IGSF1: variants seen among roughly 807,000 people sequenced by gnomAD.
The protein encoded by IGSF1 is immunoglobulin superfamily member 1.
A neutral mutation model predicts 95.3 loss-of-function variants in IGSF1; 40 were observed. That is an observed-to-expected ratio of 0.42 (90% CI 0.33 to 0.55). The LOEUF is 0.55. Among genes scored for constraint, IGSF1 ranks in the 20% least tolerant of loss-of-function variants. IGSF1 has a pLI of 0.10. For missense variants in IGSF1, 906 were observed against 1,025.4 expected (o/e 0.88, Z 1.59); for synonymous variants, 372 against 382.9 (o/e 0.97, Z 0.33).
chrX:131,287,070 T>C (rs867891865), intron 1 of IGSF1, among the ~76,000 whole-genome samples: 6 of 87,345 alleles, frequency 6.9e-5, no homozygotes, highest in African/African-American at 2.0e-4. Flanking sequence ...TATATATATA[T>C]ACGTATGTTT....
intron 3 of IGSF1, 148 bp from the exon 4 acceptor site, chrX:131,286,196 G>A (rs909417485): frequency 4.5e-5 from 25 of 549,919 alleles, no homozygotes; most frequent in African/African-American, 1.6e-4. Flanking sequence ...GTGGGGCATC[G>A]TATAAGAACC....
chrX:131,283,427 A>G (rs1739356573), intron 5 of IGSF1, among the ~76,000 whole-genome samples, 163 bp from the exon 6 acceptor site: 1 of 112,238 alleles, frequency 8.9e-6, no homozygotes, highest in Non-Finnish European at 1.9e-5. Context: ...AATCAAGGGT[A>G]GATTCACTTA....
At position 131,285,474 on chromosome X, in the gene IGSF1, G is replaced by A. The variant is rs1603405941; in HGVS notation, c.380-8C>T. 1.0e-5 allele frequency: 12 copies of A among 1,199,691 alleles called. No individual in the cohort carries two copies. Among genetic ancestry groups the A allele is most frequent in the Non-Finnish European group, 1.3e-5 (12 of 889,453 alleles). ...TGGGCTTGGGCAGTTGGCCTGGAAGGATAGAATGAACTGGAATTAGGTAAA... is the reference window on the plus strand; with the variant it reads ...TGGGCTTGGGCAGTTGGCCTGGAAGAATAGAATGAACTGGAATTAGGTAAA... On this transcript the variant is annotated splice_polypyrimidine_tract_variant and splice_region_variant and intron_variant, in intron 4 of 19. Coordinates refer to ENST00000361420, the MANE Select transcript of IGSF1 (RefSeq NM_001555.5).
In IGSF1 at chrX:131,286,315, T is replaced by G. The variant is rs373982921; in HGVS notation, c.97+122A>C. 106 of 633,598 alleles carry G rather than the reference T, an allele frequency of 1.7e-4. No homozygotes were observed. In the African/African-American group the frequency reaches 2.1e-3, roughly 12 times the overall value. 52.2% of individuals were successfully genotyped at this position (633,598 alleles called of 1,213,427 possible). On this transcript the variant is annotated intron_variant, in intron 3 of 19. Transcript: ENST00000361420. ...CCATGCCATAGGAAACCAAGTCCTC[T>G]GATTCCCAATCAGCCCAATCTATCT...
chrX:131,275,522 G>A lies in IGSF1; in HGVS notation c.3140C>T (p.Ser1047Phe). 1 of 1,211,476 alleles carries A rather than the reference G, an allele frequency of 8.3e-7. No homozygotes were observed. Among genetic ancestry groups the A allele is most frequent in the Non-Finnish European group, 1.1e-6 (1 of 895,253 alleles). Residue 1047 changes from serine (S) to phenylalanine (F), a missense_variant, in exon 16 of 20, where the codon TCT becomes TTT. Transcript: ENST00000361420. ...SCCYHPDWTS[S>F]IKIQPSNTLE... is the part of the protein sequence containing the mutation. ...GGTGTTGCTAGGTTGTATCTTGATA[G>A]AACTGGTCCAGTCAGGGTGGTAGCA...
chrX:131,274,940 A>AT, intron 17 of IGSF1, 59 bp downstream of exon 17: 6 of 1,198,159 alleles, frequency 5.0e-6, no homozygotes, highest in Non-Finnish European at 6.8e-6. Context: ...TTACCCCCTT[A>AT]TTGCTTACTG....
intron 13 of IGSF1, 43 bp from the exon 14 acceptor site, chrX:131,277,269 A>G: frequency 9.3e-7 from 1 of 1,075,352 alleles, no homozygotes; most frequent in Non-Finnish European, 1.2e-6. Flanking sequence ...AACAAAATAC[A>G]ACACAAAACC....
intron 19 of IGSF1, 27 bp downstream of exon 19, chrX:131,274,056 G>T (rs45609931): frequency 0.025 from 30,651 of 1,209,025 alleles, 299 homozygotes; most frequent in Non-Finnish European, 0.03. Flanking sequence ...GTTCACAGAA[G>T]GGGGCCATAA....
At chrX:131,278,369 T>C (rs903016415) in intron 12 of IGSF1, 92 bp downstream of exon 12, 10 of 876,260 alleles carry the variant, frequency 1.1e-5, no homozygotes, top group Non-Finnish European at 1.3e-5. Context: ...GGCTCCAGGG[T>C]CCCTGTGAGT....
Position 131,285,215 on chromosome X carries a change from A to C in IGSF1, c.631T>G (p.Ser211Ala). 8.3e-7 allele frequency: 1 copy of C among 1,205,573 alleles called. No homozygotes were observed. The highest frequency in any genetic ancestry group is 1.1e-6 in the Non-Finnish European group (1 of 891,994). The change falls in exon 5 of 20, where the codon TCA (serine) becomes GCA (alanine). Residue 211 changes from serine (S) to alanine (A), a missense_variant. By Grantham distance (99) the Ser-to-Ala change is moderately conservative. Around this residue, in one of 5 missense-constraint regions of IGSF1, gnomAD observed 442 missense variants for 448.1 expected, o/e 0.99. Coordinates refer to ENST00000361420, the MANE Select transcript of IGSF1 (RefSeq NM_001555.5). The stretch of plus-strand genomic sequence containing the variant: ...AGCTTCAGGGGGTTGCTGGGCTCTG[A>C]CCACAGGGTGGGGAGCATCTGGATA... ...THIQMLPTLWSEPSNPLKLVV... is the reference protein window; with the variant it reads ...THIQMLPTLWAEPSNPLKLVV...
chrX:131,281,559 G>C, intron 8 of IGSF1, 107 bp downstream of exon 8: 1 of 975,346 alleles, frequency 1.0e-6, no homozygotes, highest in South Asian at 2.3e-5. Flanking sequence ...TGAAACCCAA[G>C]GGCTCTGATT....
chrX:131,280,809 T>C (rs1281447592), intron 9 of IGSF1, among the ~76,000 whole-genome samples: 1 of 111,570 alleles, frequency 9.0e-6, no homozygotes, highest in Non-Finnish European at 1.9e-5. Context: ...GAGCTAGGGA[T>C]AAGGGTGAAA....
rs141597908 is a variant in IGSF1 at position 131,273,860 on chromosome X, G to A, written c.3947C>T (p.Thr1316Ile). ...EECNQEGEPG[T>I]PANSPSSTSQ... ...GGTTGATGAAGGAGAATTGGCAGGG[G>A]TGCCTGGTTCTCCTTCTTGGTTACA... is the stretch of plus-strand genomic sequence containing the variant. Residue 1316 changes from threonine (T) to isoleucine (I), a missense_variant, in exon 20 of 20, where the codon ACC becomes ATC. Transcript: ENST00000361420. 34 of 1,206,321 alleles carry A rather than the reference G, an allele frequency of 2.8e-5. No homozygotes were observed. The highest frequency in any genetic ancestry group is 3.7e-5 in the Non-Finnish European group (33 of 892,090).
intron 17 of IGSF1, 61 bp from the exon 18 acceptor site, chrX:131,274,938 T>C (rs988195384): frequency 5.8e-6 from 7 of 1,199,429 alleles, no homozygotes; most frequent in Non-Finnish European, 7.9e-6. Context: ...TTTTACCCCC[T>C]TATTGCTTAC....
At position 131,283,190 on chromosome X, in the gene IGSF1, A is replaced by G; in HGVS notation, c.742T>C (p.Cys248Arg). The G allele has an allele frequency of 8.3e-6, 10 of 1,210,713 alleles. No individual in the cohort carries two copies. The highest frequency in any genetic ancestry group is 1.1e-5 in the Non-Finnish European group (10 of 894,335). Reference protein sequence around the residue: ...MAPGESLNLRCQGPIYGMTFA... With the variant: ...MAPGESLNLRRQGPIYGMTFA... ...GTCATTCCATAGATTGGCCCTTGGC[A>G]CCTGAGATTCAGGCTTTCTCCAGGT... Residue 248 changes from cysteine (C) to arginine (R), a missense_variant, in exon 6 of 20, where the codon TGC (cysteine) becomes CGC (arginine). Around this residue, in one of 5 missense-constraint regions of IGSF1, gnomAD observed 442 missense variants for 448.1 expected, o/e 0.99. Coordinates refer to ENST00000361420, the MANE Select transcript of IGSF1 (RefSeq NM_001555.5).
intron 1 of IGSF1, among the ~76,000 whole-genome samples, chrX:131,288,648 G>T (rs4073307): frequency 0.21 from 22,680 of 110,412 alleles, 1,811 homozygotes; most frequent in South Asian, 0.28. Flanking sequence ...TAAGGAAATT[G>T]TACCATTTAT....
rs751436069 is a variant in IGSF1 at position 131,282,576 on chromosome X, C to T, written c.1114G>A (p.Asp372Asn). Residue 372 changes from aspartate to asparagine, a missense_variant, in exon 7 of 20, where the codon GAT becomes AAT. Around this residue, in one of 5 missense-constraint regions of IGSF1, gnomAD observed 442 missense variants for 448.1 expected, o/e 0.99. Transcript: ENST00000361420. ...TTGAGGAAGAATGATGTGTTGTCAT[C>T]GATGCTGGTGGCATCCAAAAATTGA... ...PLQFLDATSI[D>N]DNTSFFLNNV... 12 of 1,208,800 alleles carry T rather than the reference C, an allele frequency of 9.9e-6. No individual in the cohort carries two copies. The highest frequency in any genetic ancestry group is 2.2e-5 in the Admixed American group (1 of 45,695).
intron 1 of IGSF1, among the ~76,000 whole-genome samples, chrX:131,288,826 C>T (rs939533006): frequency 1.1e-4 from 12 of 108,733 alleles, no homozygotes; most frequent in Non-Finnish European, 2.1e-4. Context: ...CTTTCCCCAC[C>T]CTTAGGCAGC....
At chrX:131,284,551 G>C (rs916899464) in intron 5 of IGSF1, 1 of 752,835 alleles carries the variant, frequency 1.3e-6, no homozygotes, top group African/African-American at 2.3e-5. Flanking sequence ...AAACCTCCAG[G>C]CCATGGGGTG....
Sources: gnomAD v4.1 joint callset for allele counts (sites outside exome capture counted in the v4.1 genomes callset) on GRCh38, gnomAD v4.1.1 for gene constraint, gnomAD v4.1.1 regional missense constraint, MANE v1.5 for transcripts, NCBI Gene and HGNC (gene_info 2026-07-23, HGNC 2026-07-21) for gene names.